Variants in ABCA13 observed in about 807,000 individuals in gnomAD.
The protein encoded by ABCA13 is ATP-binding cassette sub-family A member 13.
A neutral mutation model predicts 478.7 loss-of-function variants in ABCA13; 476 were observed. That is an observed-to-expected ratio of 0.99 (90% CI 0.92 to 1.07). ABCA13 has a LOEUF of 1.07. Ranked by LOEUF, ABCA13 falls within the 50% of genes least tolerant of loss-of-function variation. The pLI is 0.00. For missense variants in ABCA13, 6,060 were observed against 5,910.6 expected (o/e 1.03, Z -0.83); for synonymous variants, 2,252 against 2,158.9 (o/e 1.04, Z -1.20).
intron 43 of ABCA13, among the ~76,000 whole-genome samples, chr7:48,456,795 G>A (rs1006272178): frequency 6.8e-6 from 1 of 147,988 alleles, no homozygotes; most frequent in African/African-American, 2.6e-5. Context: ...GGCATATAAA[G>A]GTTTATTTAT....
At position 48,274,623 on chromosome 7, in the gene ABCA13, A is replaced by G; in HGVS notation, c.4957A>G (p.Asn1653Asp). 1 of 1,613,954 alleles carries G rather than the reference A, an allele frequency of 6.2e-7. No individual in the cohort carries two copies. The highest frequency in any genetic ancestry group is 1.3e-5 in the African/African-American group (1 of 75,050). Residue 1653 changes from asparagine to aspartate, a missense_variant, in exon 17 of 62, where the codon AAT becomes GAT. Around this residue, in one of 3 missense-constraint regions of ABCA13, gnomAD observed 4,423 missense variants for 4,309.1 expected, o/e 1.03. Coordinates refer to ENST00000435803, the MANE Select transcript of ABCA13 (RefSeq NM_152701.5). The stretch of plus-strand genomic sequence containing the variant: ...TGTAGTTCATCACACTAGTCCACAA[A>G]ATGCAGGTTATATGCAAGCTTTGAA... ...MPVVHHTSPQ[N>D]AGYMQALKKV...
intron 54 of ABCA13, among the ~76,000 whole-genome samples, chr7:48,526,844 G>A (rs1832921137): frequency 6.6e-6 from 1 of 152,068 alleles, no homozygotes; most frequent in African/African-American, 2.4e-5. Flanking sequence ...AATCAGTTAG[G>A]AAACAAAATA....
chr7:48,623,753 C>T (rs994724738), intron 59 of ABCA13, among the ~76,000 whole-genome samples: 15 of 152,164 alleles, frequency 9.9e-5, no homozygotes, highest in African/African-American at 2.4e-5. Context: ...GCAACTTGTA[C>T]TTAGGTTTAT....
intron 35 of ABCA13, among the ~76,000 whole-genome samples, chr7:48,381,579 G>A (rs888128944): frequency 6.6e-6 from 1 of 152,070 alleles, no homozygotes; most frequent in Non-Finnish European, 1.5e-5. Context: ...CTCCACGCTC[G>A]AGTCAAGAGC....
intron 19 of ABCA13, among the ~76,000 whole-genome samples, chr7:48,285,681 A>G (rs781118819): frequency 6.6e-5 from 10 of 152,372 alleles, no homozygotes; most frequent in Non-Finnish European, 1.3e-4. Context: ...CATACATTAC[A>G]TCAGCTTTTT....
At position 48,237,086 on chromosome 7, in the gene ABCA13, G is replaced by T. The variant is rs1261384411; in HGVS notation, c.898-2155G>T. The stretch of plus-strand genomic sequence containing the variant: ...GAAATGAGTTTCGCCGATTGGTTGG[G>T]GATGAAATCACAAGGATGTGGAAAA... On this transcript the variant is annotated intron_variant, in intron 8 of 61. Transcript: ENST00000435803. Among the ~76,000 whole-genome samples the T allele has an allele frequency of 4.7e-5, 7 of 150,310 alleles. No individual in the cohort carries two copies. The East Asian group carries it at 1.4e-3, about 29-fold the overall frequency.
intron 10 of ABCA13, among the ~76,000 whole-genome samples, chr7:48,241,992 G>A (rs1790901924): frequency 6.6e-6 from 1 of 152,192 alleles, no homozygotes; most frequent in African/African-American, 2.4e-5. Flanking sequence ...ACAGGAGGAT[G>A]GATGCAGGGA....
Position 48,317,094 on chromosome 7 carries a change from T to G in ABCA13, c.9860-63T>G, listed in dbSNP as rs376701051. 5,452 of 1,536,382 alleles carry G rather than the reference T, an allele frequency of 3.5e-3. 212 individuals carry two copies. The South Asian group carries it at 0.064, about 18-fold the overall frequency. On this transcript the variant is annotated intron_variant, in intron 26 of 61. Coordinates refer to ENST00000435803, the MANE Select transcript of ABCA13 (RefSeq NM_152701.5). ...AGGCATCCTGGATATGTGAATGAAT[T>G]TCCCTATTAACCTAGGCATCGTGTA...
chr7:48,643,244 G>T (rs757773512), intron 59 of ABCA13, 44 bp from the exon 60 acceptor site: 71 of 1,304,244 alleles, frequency 5.4e-5, no homozygotes, highest in Non-Finnish European at 6.6e-5. Context: ...CTCATCTTAG[G>T]TCAATATGAT....
At chr7:48,593,033 C>A (rs1789912749) in intron 57 of ABCA13, among the ~76,000 whole-genome samples, 1 of 151,808 alleles carries the variant, frequency 6.6e-6, no homozygotes, top group Non-Finnish European at 1.5e-5. Context: ...TCACTTTATG[C>A]CTTTTGATTG....
chr7:48,337,826 A>G (rs940480134), intron 28 of ABCA13, among the ~76,000 whole-genome samples: 4 of 152,192 alleles, frequency 2.6e-5, no homozygotes, highest in African/African-American at 7.2e-5. Flanking sequence ...ACAGTAAACA[A>G]TTTGTCTCCA....
In ABCA13 at chr7:48,227,310, C is replaced by T. The variant is rs752132298; in HGVS notation, c.517C>T (p.His173Tyr). 1.2e-6 allele frequency: 2 copies of T among 1,613,710 alleles called. No homozygotes were observed. The highest frequency in any genetic ancestry group is 1.3e-5 in the African/African-American group (1 of 74,926). The change falls in exon 6 of 62, where the codon CAT becomes TAT. Residue 173 changes from histidine to tyrosine, a missense_variant. Transcript: ENST00000435803. ...GGTAATATTGAAACTGGAAAGCCTC[C>T]ATCAGCAGCCTCATATCTGGGATTT... ...EEVILKLESL[H>Y]QQPHIWDFLL...
At chr7:48,329,735 A>C (rs1300712677) in intron 27 of ABCA13, among the ~76,000 whole-genome samples, 1 of 151,980 alleles carries the variant, frequency 6.6e-6, no homozygotes, top group Non-Finnish European at 1.5e-5. Flanking sequence ...CCATTCATCC[A>C]TCCATCCACA....
At chr7:48,403,304 G>A (rs989660059) in intron 38 of ABCA13, among the ~76,000 whole-genome samples, 1 of 152,216 alleles carries the variant, frequency 6.6e-6, no homozygotes, top group Non-Finnish European at 1.5e-5. Flanking sequence ...TGCTTCTTCT[G>A]ACCACACTGG....
chr7:48,221,297 C>A lies in ABCA13; in HGVS notation c.456C>A (p.Ser152=). The change falls in exon 5 of 62, where the codon TCC becomes TCA. Residue 152 remains serine, a synonymous_variant. Coordinates refer to ENST00000435803, the MANE Select transcript of ABCA13 (RefSeq NM_152701.5). Reference sequence around the variant, plus strand: ...TTATTATAGATTCTTCTTATGGTTCCAGTTTTTTTACAGTAAGTATCTTAA... The same window carrying A: ...TTATTATAGATTCTTCTTATGGTTCAAGTTTTTTTACAGTAAGTATCTTAA... ...RSNTPDSSYG[S]SFFTMDLNKT... is the part of the protein sequence containing the mutation. The A allele has an allele frequency of 8.6e-7, 1 of 1,167,400 alleles. No homozygotes were observed. 72.3% of individuals were successfully genotyped at this position (1,167,400 alleles called of 1,614,324 possible).
chr7:48,180,945 C>A (rs1467352379), intron 1 of ABCA13, among the ~76,000 whole-genome samples: 1 of 150,684 alleles, frequency 6.6e-6, no homozygotes, highest in African/African-American at 2.4e-5. Flanking sequence ...AACAAACAAA[C>A]AAAACCTACC....
intron 41 of ABCA13, among the ~76,000 whole-genome samples, chr7:48,421,167 T>C (rs1820690876): frequency 6.6e-6 from 1 of 151,566 alleles, no homozygotes; most frequent in African/African-American, 2.4e-5. Context: ...TCTGCCAGGC[T>C]TTCCCACTCT....
At chr7:48,586,922 G>A (rs577743820) in intron 56 of ABCA13, among the ~76,000 whole-genome samples, 1 of 152,222 alleles carries the variant, frequency 6.6e-6, no homozygotes, top group Non-Finnish European at 1.5e-5. Flanking sequence ...AACTCTAGAT[G>A]TGATTATTCT....
chr7:48,490,434 A>G (rs1312294885), intron 48 of ABCA13, among the ~76,000 whole-genome samples: 2 of 152,190 alleles, frequency 1.3e-5, no homozygotes, highest in Non-Finnish European at 2.9e-5. Flanking sequence ...GGCTCTGAGC[A>G]AGGTAATAAT....
Sources: gnomAD v4.1 joint callset for allele counts (sites outside exome capture counted in the v4.1 genomes callset) on GRCh38, gnomAD v4.1.1 for gene constraint, gnomAD v4.1.1 regional missense constraint, MANE v1.5 for transcripts, NCBI Gene and HGNC (gene_info 2026-07-23, HGNC 2026-07-21) for gene names.